Variants in PRELID2 observed in about 807,000 individuals in gnomAD.
PRELID2 encodes PRELI domain containing 2, also known as PRELI domain-containing protein 2.
A neutral mutation model predicts 28.4 loss-of-function variants in PRELID2; 25 were observed. The ratio of observed to expected loss-of-function variants is 0.88; its 90% CI spans 0.64 to 1.23. PRELID2 has a LOEUF of 1.23. Among genes scored for constraint, PRELID2 ranks in the 50% most tolerant of loss-of-function variants. The pLI is 0.00. For synonymous variants in PRELID2, 76 were observed against 71.6 expected (o/e 1.06, Z -0.31); for missense variants, 201 against 214.4 (o/e 0.94, Z 0.39).
At chr5:145,510,044 C>T (rs940387245) in intron 1 of PRELID2, among the ~76,000 whole-genome samples, 4 of 152,166 alleles carry the variant, frequency 2.6e-5, no homozygotes, top group Admixed American at 6.5e-5. Context: ...CATAACTTAT[C>T]GGAACACCTT....
rs1754332751 is a variant in PRELID2 at position 145,653,310 on chromosome 5, A to C, written n.70+111621T>G. Reference sequence around the variant, plus strand: ...CCACACAATAATAATGGGAGACTTTAACACCCCACTGTCAATATTAGACAG... The same window carrying C: ...CCACACAATAATAATGGGAGACTTTCACACCCCACTGTCAATATTAGACAG... On this transcript the variant is annotated intron_variant and non_coding_transcript_variant, in intron 1 of 2. Transcript: ENST00000510259. Among the ~76,000 whole-genome samples the C allele has an allele frequency of 2.6e-5, 4 of 152,286 alleles. No homozygotes were observed. The South Asian group carries it at 8.3e-4, about 32-fold the overall frequency.
chr5:145,407,612 G>A, the PRELID2 span, among the ~76,000 whole-genome samples: 60 of 152,194 alleles, frequency 3.9e-4, no homozygotes, highest in Middle Eastern at 3.4e-3. Flanking sequence ...TTTTCTTGAC[G>A]AATATAGGGC....
At chr5:145,606,186 C>CTAGG (rs1056646367) in intron 1 of PRELID2, among the ~76,000 whole-genome samples, 4 of 152,088 alleles carry the variant, frequency 2.6e-5, no homozygotes, top group African/African-American at 9.7e-5. Flanking sequence ...ATGGGGTTGT[C>CTAGG]TAGGTATAGA....
chr5:145,641,682 C>A (rs1020697855), intron 1 of PRELID2, among the ~76,000 whole-genome samples: 1 of 152,208 alleles, frequency 6.6e-6, no homozygotes, highest in African/African-American at 2.4e-5. Context: ...GGGGCCCTGA[C>A]AGGCCCTGGT....
chr5:145,539,299 G>T (rs1279610298), intron 1 of PRELID2, among the ~76,000 whole-genome samples: 1 of 151,982 alleles, frequency 6.6e-6, no homozygotes, highest in African/African-American at 2.4e-5. Context: ...AACTGACTTT[G>T]GTCACTTTCC....
intron 1 of PRELID2, among the ~76,000 whole-genome samples, chr5:145,625,740 CTG>C (rs1450202599): frequency 5.3e-5 from 8 of 152,248 alleles, no homozygotes; most frequent in Admixed American, 2.0e-4. Context: ...AAATGGAAAA[CTG>C]TGGTTACTGA....
chr5:145,674,478 G>T (rs780478791), intron 1 of PRELID2, among the ~76,000 whole-genome samples: 3 of 152,164 alleles, frequency 2.0e-5, no homozygotes, highest in Non-Finnish European at 4.4e-5. Flanking sequence ...ACTGAAAAGT[G>T]TAAAATTAAT....
chr5:145,480,849 TAGTA>T lies in PRELID2; in HGVS notation n.71-7538_71-7535del, dbSNP rs1168065982. Among the ~76,000 whole-genome samples, 9 of 152,320 alleles carry T rather than the reference TAGTA, an allele frequency of 5.9e-5. No homozygotes were observed. In the East Asian group the frequency reaches 1.7e-3, roughly 29 times the overall value. On this transcript the variant is annotated intron_variant and non_coding_transcript_variant, in intron 1 of 2. Coordinates refer to the PRELID2 transcript ENST00000510259. ...AATTCAACTCAGACTGCTTGGCAAA[TAGTA>T]AGTATTCATTAAATGTCAACTATAT...
chr5:145,448,373 C>T, the PRELID2 span, among the ~76,000 whole-genome samples: 1 of 151,870 alleles, frequency 6.6e-6, no homozygotes, highest in African/African-American at 2.4e-5. Flanking sequence ...TGGATATTAG[C>T]CCTTTGTCAG....
the PRELID2 span, among the ~76,000 whole-genome samples, chr5:145,331,278 T>C: frequency 6.6e-6 from 1 of 152,182 alleles, no homozygotes; most frequent in Non-Finnish European, 1.5e-5. Context: ...GTTCTGTAGA[T>C]GTCTATTAGG....
the PRELID2 span, among the ~76,000 whole-genome samples, chr5:145,315,777 G>A: frequency 6.6e-6 from 1 of 152,260 alleles, no homozygotes; most frequent in South Asian, 2.1e-4. Context: ...TGGAATGGAA[G>A]GCAATGAAAA....
intron 1 of PRELID2, among the ~76,000 whole-genome samples, chr5:145,633,452 C>T (rs997012560): frequency 3.9e-5 from 6 of 152,122 alleles, no homozygotes; most frequent in Non-Finnish European, 5.9e-5. Context: ...TCACATTTTC[C>T]TGGCCCTCTC....
intron 1 of PRELID2, among the ~76,000 whole-genome samples, chr5:145,517,343 C>A (rs1470020794): frequency 6.6e-6 from 1 of 151,968 alleles, no homozygotes; most frequent in Admixed American, 6.5e-5. Flanking sequence ...TATGAACAGA[C>A]ACTTCTCGAA....
rs1757258989 is a variant in PRELID2 at position 145,756,466 on chromosome 5, G to T, written c.*4070C>A. 6.6e-6 allele frequency among the ~76,000 whole-genome samples: 1 copy of T among 152,090 alleles called. No individual in the cohort carries two copies. The highest frequency in any genetic ancestry group is 6.6e-5 in the Admixed American group (1 of 15,256). On this transcript the variant is annotated 3_prime_UTR_variant, in exon 7 of 7. Transcript: ENST00000683046. ...AACACTTCATCCCACATAAAAATTT[G>T]GCCTGATCATTTTTTGAGTTTTAAT...
chr5:145,462,378 A>G, the PRELID2 span, among the ~76,000 whole-genome samples: 1 of 152,230 alleles, frequency 6.6e-6, no homozygotes, highest in South Asian at 2.1e-4. Context: ...TACCATGTCA[A>G]TCATTGTTCA....
chr5:145,245,493 G>T, the PRELID2 span, among the ~76,000 whole-genome samples: 1 of 151,936 alleles, frequency 6.6e-6, no homozygotes. Flanking sequence ...CTTTGACGTG[G>T]TTTTTCTGGC....
intron 1 of PRELID2, among the ~76,000 whole-genome samples, chr5:145,518,073 T>C (rs1752531956): frequency 6.6e-6 from 1 of 151,700 alleles, no homozygotes; most frequent in Non-Finnish European, 1.5e-5. Context: ...CAAACCACCA[T>C]GGCACATGTA....
chr5:145,635,891 T>C (rs1167435720), intron 1 of PRELID2, among the ~76,000 whole-genome samples: 1 of 152,194 alleles, frequency 6.6e-6, no homozygotes, highest in Non-Finnish European at 1.5e-5. Flanking sequence ...CTCTACCTGC[T>C]CTTCAATCCT....
chr5:145,329,755 T>G, the PRELID2 span, among the ~76,000 whole-genome samples: 1 of 152,182 alleles, frequency 6.6e-6, no homozygotes, highest in Non-Finnish European at 1.5e-5. Flanking sequence ...TCTCTCCCTA[T>G]TTGAATACCC....
Sources: gnomAD v4.1 joint callset for allele counts (sites outside exome capture counted in the v4.1 genomes callset) on GRCh38, gnomAD v4.1.1 for gene constraint, MANE v1.5 for transcripts, NCBI Gene and HGNC (gene_info 2026-07-23, HGNC 2026-07-21) for gene names.